Variants in PRKCA observed in about 807,000 individuals in gnomAD.
PRKCA encodes the protein protein kinase C alpha, also known as protein kinase C alpha type.
PRKCA carries 27 observed loss-of-function variants against 87.0 expected under a neutral mutation model. The observed-to-expected ratio is 0.31, with a 90% CI of 0.23 to 0.43. The LOEUF is 0.43. PRKCA is among the 20% of genes least tolerant of loss of function. The pLI, the probability that PRKCA is intolerant of heterozygous loss-of-function variation, is 1.00. For missense variants in PRKCA, 518 were observed against 852.3 expected, an observed-to-expected ratio of 0.61 and a Z score of 4.88; for synonymous variants, 329 against 311.1, an observed-to-expected ratio of 1.06 and a Z score of -0.61.
At chr17:66,774,334 A>T (rs190781642) in intron 14 of PRKCA, 2 of 1,288,390 alleles carry the variant, frequency 1.6e-6, no homozygotes. Flanking sequence ...TGAAATGTAC[A>T]TGTTGGCCAG....
At chr17:66,776,907 C>T (rs1247179901) in intron 14 of PRKCA, among the ~76,000 whole-genome samples, 1 of 152,180 alleles carries the variant, frequency 6.6e-6, no homozygotes, top group Non-Finnish European at 1.5e-5. Flanking sequence ...GGCATTCTTC[C>T]CTTACCAGTC....
intron 13 of PRKCA, among the ~76,000 whole-genome samples, chr17:66,767,309 G>A (rs564509607): frequency 2.6e-5 from 4 of 152,164 alleles, no homozygotes; most frequent in Non-Finnish European, 5.9e-5. Context: ...AGGACCTGCT[G>A]TATGTTGTTT....
chr17:66,326,247 A>G (rs955286900), intron 2 of PRKCA, among the ~76,000 whole-genome samples: 1 of 152,066 alleles, frequency 6.6e-6, no homozygotes, highest in Non-Finnish European at 1.5e-5. Flanking sequence ...CATGACATGG[A>G]TTTTTGTGAC....
intron 13 of PRKCA, among the ~76,000 whole-genome samples, chr17:66,749,519 G>A (rs1232861128): frequency 6.6e-6 from 1 of 152,170 alleles, no homozygotes; most frequent in African/African-American, 2.4e-5. Flanking sequence ...TCCTGTCCCT[G>A]CTGTTTTTCA....
intron 6 of PRKCA, among the ~76,000 whole-genome samples, chr17:66,687,987 C>T (rs948226957): frequency 1.3e-5 from 2 of 152,140 alleles, no homozygotes; most frequent in Non-Finnish European, 2.9e-5. Flanking sequence ...CCTTGTGGGT[C>T]ATATAGCCTC....
chr17:66,578,606 T>C (rs902227512), intron 3 of PRKCA, among the ~76,000 whole-genome samples: 1 of 152,144 alleles, frequency 6.6e-6, no homozygotes, highest in South Asian at 2.1e-4. Flanking sequence ...GAGTGATGTA[T>C]AAATAAGAAA....
chr17:66,708,461 G>T (rs745836173), intron 8 of PRKCA, among the ~76,000 whole-genome samples: 1 of 151,994 alleles, frequency 6.6e-6, no homozygotes, highest in Non-Finnish European at 1.5e-5. Context: ...GGGATGGTTT[G>T]TCATGTCCAA....
rs796884841 is a variant in PRKCA at position 66,731,775 on chromosome 17, C to CTT, written c.919-887_919-886dup. ...GCAAAGGGCGCCTTGTGCTCCCTTT[C>CTT]TTTTTTTTTTTTTTTTTTTTTTTTT... On this transcript the variant is annotated intron_variant, in intron 8 of 16. Coordinates refer to ENST00000413366, the MANE Select transcript of PRKCA (RefSeq NM_002737.3). Among the ~76,000 whole-genome samples the CTT allele has an allele frequency of 1.1e-3, 76 of 71,430 alleles. 2 individuals carry two copies. The highest frequency in any genetic ancestry group is 1.9e-3 in the African/African-American group (36 of 18,610). The allele number at this position is 71,430 out of a possible 152,430, so 46.9% of individuals were successfully genotyped here.
intron 10 of PRKCA, among the ~76,000 whole-genome samples, chr17:66,736,080 C>T (rs1383246469): frequency 6.6e-6 from 1 of 151,688 alleles, no homozygotes; most frequent in African/African-American, 2.4e-5. Context: ...GGGGGTTTCA[C>T]CATGTTTCCC....
At chr17:66,695,022 G>A (rs1473987564) in intron 8 of PRKCA, among the ~76,000 whole-genome samples, 3 of 152,176 alleles carry the variant, frequency 2.0e-5, no homozygotes, top group African/African-American at 4.8e-5. Flanking sequence ...AAGGTGAGGG[G>A]AAGGGAGTTC....
intron 2 of PRKCA, among the ~76,000 whole-genome samples, chr17:66,385,225 C>G (rs1909992584): frequency 6.6e-6 from 1 of 152,324 alleles, no homozygotes; most frequent in East Asian, 1.9e-4. Context: ...TTGTTGCTTT[C>G]TCTCCTCTCA....
rs532807429 is a variant in PRKCA, at chr17:66,549,827, G to A, written c.288+53544G>A. Among the ~76,000 whole-genome samples the A allele has an allele frequency of 4.5e-4, 68 of 152,192 alleles. No individual in the cohort carries two copies. In the South Asian group the frequency reaches 0.014, roughly 32 times the overall value. ...TTTGCCCCTTTTTAGTGGTCAGTGG[G>A]GTGTGTTTCTTAATTGTGATGGCAC... On this transcript the variant is annotated intron_variant, in intron 3 of 16. Transcript: ENST00000413366.
At chr17:66,328,523 T>C (rs573446424) in intron 2 of PRKCA, among the ~76,000 whole-genome samples, 3 of 151,948 alleles carry the variant, frequency 2.0e-5, no homozygotes, top group Non-Finnish European at 4.4e-5. Flanking sequence ...AGAGGCTGGG[T>C]GCGGTGGCTC....
Position 66,735,648 on chromosome 17 carries a change from T to G in PRKCA, c.1216T>G (p.Cys406Gly). ...CCCGTTCTTGACGCAGCTGCACTCC[T>G]GCTTCCAGACAGTGGTAAGGACCCT... The part of the protein sequence containing the change: ...KPPFLTQLHS[C>G]FQTVDRLYFV... The change falls in exon 10 of 17, where the codon TGC (cysteine) becomes GGC (glycine). Residue 406 changes from cysteine to glycine, a missense_variant. Transcript: ENST00000413366. 6.2e-7 allele frequency: 1 copy of G among 1,614,066 alleles called. No homozygotes were observed. The highest frequency in any genetic ancestry group is 8.5e-7 in the Non-Finnish European group (1 of 1,179,970).
At chr17:66,614,226 C>T (rs995765102) in intron 3 of PRKCA, among the ~76,000 whole-genome samples, 1 of 152,132 alleles carries the variant, frequency 6.6e-6, no homozygotes, top group Admixed American at 6.5e-5. Flanking sequence ...CTGGCCACTC[C>T]ATTTTTGAGG....
At chr17:66,453,585 T>C (rs1914435226) in intron 2 of PRKCA, among the ~76,000 whole-genome samples, 1 of 152,124 alleles carries the variant, frequency 6.6e-6, no homozygotes, top group Non-Finnish European at 1.5e-5. Flanking sequence ...CCCAAAGTGC[T>C]GGGATTATAG....
intron 13 of PRKCA, among the ~76,000 whole-genome samples, chr17:66,746,287 T>C (rs1178054221): frequency 1.3e-5 from 2 of 150,998 alleles, no homozygotes; most frequent in Non-Finnish European, 2.9e-5. Context: ...AGGTTGCTGG[T>C]AGTACAGGTG....
chr17:66,421,428 GTTT>G lies in PRKCA; in HGVS notation c.206-74755_206-74753del, dbSNP rs55825622. Among the ~76,000 whole-genome samples, 615 of 116,844 alleles carry G rather than the reference GTTT, an allele frequency of 5.3e-3. 3 individuals carry two copies. The highest frequency in any genetic ancestry group is 9.4e-3 in the African/African-American group (312 of 33,032). The allele number at this position is 116,844 out of a possible 152,430, so 76.7% of individuals were successfully genotyped here. A position where few individuals can be genotyped will look rare whatever the true frequency, so the allele number is the denominator to read the frequency against. On this transcript the variant is annotated intron_variant, in intron 2 of 16. Transcript: ENST00000413366. ...ATGTCAGAACTCAGCCACAGCCTCTGTTTTTTTTTTTTTTTTTTTTATAGCTCT... is the reference window on the plus strand; with the variant it reads ...ATGTCAGAACTCAGCCACAGCCTCTGTTTTTTTTTTTTTTTTTATAGCTCT...
chr17:66,317,751 A>G (rs1267629050), intron 2 of PRKCA, among the ~76,000 whole-genome samples: 3 of 152,188 alleles, frequency 2.0e-5, no homozygotes, highest in African/African-American at 4.8e-5. Context: ...ATTAGCTTCC[A>G]TTCAGATTTA....
Sources: allele counts gnomAD v4.1 joint callset (sites outside exome capture counted in the v4.1 genomes callset), GRCh38; gene constraint gnomAD v4.1.1; transcripts MANE v1.5; gene names NCBI Gene and HGNC (gene_info 2026-07-23, HGNC 2026-07-21).